The following ANK2 variants were observed in gnomAD, a reference collection of about 807,000 sequenced individuals.
The protein encoded by ANK2 is ankyrin-2.
A neutral mutation model predicts 360.5 loss-of-function variants in ANK2; 83 were observed. That is an observed-to-expected ratio of 0.23 (90% CI 0.19 to 0.28). The LOEUF is 0.28. ANK2 is among the 10% of genes least tolerant of loss of function. The probability of loss-of-function intolerance (pLI) is 1.00; values close to 1 mark genes in which losing one functional copy is unlikely to be tolerated. For missense variants in ANK2, 4,201 were observed against 4,795.7 expected, an observed-to-expected ratio of 0.88 and a Z score of 3.66; for synonymous variants, 1,740 against 1,759.5, an observed-to-expected ratio of 0.99 and a Z score of 0.28.
chr4:112,996,226 A>G (rs1032699772), intron 2 of ANK2, among the ~76,000 whole-genome samples: 1 of 152,214 alleles, frequency 6.6e-6, no homozygotes, highest in African/African-American at 2.4e-5. Context: ...AAACTAATTC[A>G]TAGTGGCAGA....
Position 113,106,117 on chromosome 4 carries a change from T to C in ANK2, c.84+56305T>C, listed in dbSNP as rs528869354. 4.6e-5 allele frequency among the ~76,000 whole-genome samples: 7 copies of C among 152,332 alleles called. No homozygotes were observed. The East Asian group carries it at 7.7e-4, about 17-fold the overall frequency. On this transcript the variant is annotated intron_variant, in intron 1 of 45. Transcript: ENST00000357077. Reference sequence around the variant, plus strand: ...TGGTATGGCTTGACGGAAAGGACATTGTCTTCTTCTCTTCTGCAAAGCAGA... The same window carrying C: ...TGGTATGGCTTGACGGAAAGGACATCGTCTTCTTCTCTTCTGCAAAGCAGA...
At chr4:112,996,904 C>T (rs192055730) in intron 2 of ANK2, among the ~76,000 whole-genome samples, 122 of 152,238 alleles carry the variant, frequency 8.0e-4, no homozygotes, top group African/African-American at 2.8e-3. Flanking sequence ...CAGCCCCCTA[C>T]TACCTTTCCC....
chr4:113,307,730 C>T (rs115553118), intron 23 of ANK2, among the ~76,000 whole-genome samples: 16 of 152,260 alleles, frequency 1.1e-4, no homozygotes, highest in African/African-American at 1.7e-4. Context: ...TATTCCCATG[C>T]TATTGTCACC....
chr4:112,779,873 A>G, the ANK2 span, among the ~76,000 whole-genome samples: 1 of 152,190 alleles, frequency 6.6e-6, no homozygotes. Flanking sequence ...TCCTTTTTCC[A>G]GGAACTCTGC....
chr4:113,370,324 T>C (rs2096684935), intron 43 of ANK2, among the ~76,000 whole-genome samples: 1 of 152,124 alleles, frequency 6.6e-6, no homozygotes, highest in Non-Finnish European at 1.5e-5. Flanking sequence ...TTAAGATTTA[T>C]TTTAGGAATG....
intron 2 of ANK2, among the ~76,000 whole-genome samples, chr4:112,921,886 G>A (rs2151186670): frequency 1.3e-5 from 2 of 152,236 alleles, no homozygotes; most frequent in Middle Eastern, 6.8e-3. Flanking sequence ...CAACTGACAG[G>A]TACCAGATGG....
chr4:112,917,542 A>G (rs1581133439), intron 2 of ANK2, among the ~76,000 whole-genome samples: 1 of 152,364 alleles, frequency 6.6e-6, no homozygotes, highest in East Asian at 1.9e-4. Flanking sequence ...ACATGTTGAA[A>G]GTCTAAAGAG....
chr4:112,931,215 G>C (rs1472837790), intron 2 of ANK2, among the ~76,000 whole-genome samples: 1 of 152,080 alleles, frequency 6.6e-6, no homozygotes, highest in Non-Finnish European at 1.5e-5. Context: ...AATTTTTGGG[G>C]AAGTGGTTAA....
In ANK2 at chr4:113,354,071, A is replaced by G. The variant is rs2095582208; in HGVS notation, c.5453A>G (p.His1818Arg). ...AASPSLKSER[H>R]APGSPSPKTE... ...TCACCCTCTCTGAAGTCAGAGAGAC[A>G]TGCGCCAGGGTCTCCCTCCCCTAAA... is the stretch of plus-strand genomic sequence containing the variant. Residue 1818 changes from histidine (H) to arginine (R), a missense_variant, in exon 38 of 46, where the codon CAT becomes CGT. His to Arg is a conservative substitution (Grantham distance 29, BLOSUM62 0). Transcript: ENST00000357077. The G allele has an allele frequency of 1.2e-6, 2 of 1,614,054 alleles. No homozygotes were observed. The highest frequency in any genetic ancestry group is 8.5e-7 in the Non-Finnish European group (1 of 1,179,982).
chr4:113,045,154 A>T (rs1305346099), upstream of ANK2, among the ~76,000 whole-genome samples: 1 of 152,212 alleles, frequency 6.6e-6, no homozygotes, highest in Non-Finnish European at 1.5e-5. Flanking sequence ...TTATGAATTT[A>T]AATAGTGTGT....
At chr4:113,274,761 C>A in intron 15 of ANK2, 112 bp downstream of exon 15, 1 of 1,092,380 alleles carries the variant, frequency 9.2e-7, no homozygotes, top group Non-Finnish European at 1.4e-6. Flanking sequence ...CCTTGACTTA[C>A]TTCCTTCTCT....
intron 2 of ANK2, among the ~76,000 whole-genome samples, chr4:112,968,033 C>T (rs1376744791): frequency 6.6e-6 from 1 of 151,602 alleles, no homozygotes. Context: ...TATGTTTTTT[C>T]CCCCAACCTC....
In ANK2 at chr4:113,334,089, T is replaced by C. The variant is rs564150086; in HGVS notation, c.3379+881T>C. 1.8e-4 allele frequency among the ~76,000 whole-genome samples: 27 copies of C among 152,344 alleles called. No homozygotes were observed. The East Asian group carries it at 3.5e-3, about 20-fold the overall frequency. The stretch of plus-strand genomic sequence containing the variant: ...ACTCAAGAGCAAGTATAGCTGTTTA[T>C]CAAGTTCTTGAGTCTTCTGGCACTA... On this transcript the variant is annotated intron_variant, in intron 29 of 45. Transcript: ENST00000357077.
chr4:113,177,766 G>A (rs763286142), intron 2 of ANK2, among the ~76,000 whole-genome samples: 11 of 152,096 alleles, frequency 7.2e-5, no homozygotes, highest in Non-Finnish European at 2.9e-5. Flanking sequence ...CTGTGAGAAG[G>A]CAACATGATC....
At chr4:113,151,436 C>T (rs181304342) in intron 1 of ANK2, among the ~76,000 whole-genome samples, 1 of 152,118 alleles carries the variant, frequency 6.6e-6, no homozygotes, top group Admixed American at 6.5e-5. Context: ...GTACAGAAAC[C>T]AGGGGGAGGT....
the ANK2 span, among the ~76,000 whole-genome samples, chr4:112,750,118 G>T: frequency 6.6e-6 from 1 of 151,836 alleles, no homozygotes; most frequent in Non-Finnish European, 1.5e-5. Flanking sequence ...CTGCTGTCAG[G>T]CTGGCATGCA....
At chr4:113,307,735 G>C (rs914846898) in intron 23 of ANK2, among the ~76,000 whole-genome samples, 1 of 152,064 alleles carries the variant, frequency 6.6e-6, no homozygotes, top group Non-Finnish European at 1.5e-5. Context: ...CCATGCTATT[G>C]TCACCCGTGT....
intron 2 of ANK2, among the ~76,000 whole-genome samples, chr4:113,001,232 G>A (rs1223092488): frequency 6.6e-6 from 1 of 151,228 alleles, no homozygotes; most frequent in Non-Finnish European, 1.5e-5. Context: ...TCAGGAGGCT[G>A]AGGCAGGAGA....
intron 17 of ANK2, among the ~76,000 whole-genome samples, chr4:113,281,023 G>C (rs963289020): frequency 6.6e-6 from 1 of 152,108 alleles, no homozygotes; most frequent in African/African-American, 2.4e-5. Context: ...CCCTGAAAAG[G>C]CTTCCAAGCT....
Sources: allele counts gnomAD v4.1 joint callset (sites outside exome capture counted in the v4.1 genomes callset), GRCh38; gene constraint gnomAD v4.1.1; transcripts MANE v1.5; gene names NCBI Gene and HGNC (gene_info 2026-07-23, HGNC 2026-07-21).